ATP5F1A: variants seen among roughly 807,000 people sequenced by gnomAD.
ATP5F1A encodes the protein ATP synthase F1 subunit alpha.
A neutral mutation model predicts 57.4 loss-of-function variants in ATP5F1A; 24 were observed. The observed-to-expected ratio is 0.42, with a 90% confidence interval of 0.30 to 0.59. The LOEUF is 0.59. Among genes scored for constraint, ATP5F1A ranks in the 20% least tolerant of loss-of-function variants. The probability of loss-of-function intolerance (pLI) is 0.19; values close to 1 mark genes in which losing one functional copy is unlikely to be tolerated. For missense variants in ATP5F1A, 494 were observed against 707.9 expected, an observed-to-expected ratio of 0.70 and a Z score of 3.43; for synonymous variants, 251 against 255.5, an observed-to-expected ratio of 0.98 and a Z score of 0.17.
In ATP5F1A at chr18:46,083,851, T is replaced by A. The variant is rs140033102; in HGVS notation, c.*431A>T. On this transcript the variant is annotated 3_prime_UTR_variant, in exon 12 of 12. Transcript: ENST00000398752. ...ATACTAAAAAACTAGCCAGGCGTGG[T>A]GGTGGGCACCTGTAATCCCAGCTAC... The A allele has an allele frequency of 6.5e-6, 1 of 153,662 alleles. No individual in the cohort carries two copies. The highest frequency in any genetic ancestry group is 1.4e-5 in the Non-Finnish European group (1 of 69,214). 9.5% of individuals were successfully genotyped at this position (153,662 alleles called of 1,614,324 possible).
intron 5 of ATP5F1A, among the ~76,000 whole-genome samples, chr18:46,088,982 C>T (rs182707682): frequency 6.6e-6 from 1 of 152,108 alleles, no homozygotes; most frequent in East Asian, 1.9e-4. Context: ...CCTACATGCA[C>T]ATCAAGGCAC....
chr18:46,098,362 A>AGGGGGGGGGGGGCCCCC, upstream of ATP5F1A: 1 of 1,281,404 alleles, frequency 7.8e-7, no homozygotes, highest in Non-Finnish European at 1.0e-6. Flanking sequence ...CCTCGCGTTC[A>AGGGGGGGGGGGGCCCCC]CCACCTCTCC....
rs2144174478 is a variant in ATP5F1A, at chr18:46,086,096, A to T, written c.1429+17T>A. On this transcript the variant is annotated intron_variant, in intron 10 of 11. Coordinates refer to ENST00000398752, the MANE Select transcript of ATP5F1A (RefSeq NM_004046.6). ...ACACAATAGGAACCTGACCAAATGAAGAAAAGAACAACTTACAATACTGTC... is the reference window on the plus strand; with the variant it reads ...ACACAATAGGAACCTGACCAAATGATGAAAAGAACAACTTACAATACTGTC... 1 of 1,610,200 alleles carries T rather than the reference A, an allele frequency of 6.2e-7. No homozygotes were observed. Among genetic ancestry groups the T allele is most frequent in the Non-Finnish European group, 8.5e-7 (1 of 1,178,916 alleles).
chr18:46,095,224 T>G, intron 1 of ATP5F1A, 93 bp from the exon 2 acceptor site: 1 of 1,190,012 alleles, frequency 8.4e-7, no homozygotes, highest in African/African-American at 1.6e-5. Flanking sequence ...GTGATCAAAG[T>G]ACTGGTGAAA....
upstream of ATP5F1A, among the ~76,000 whole-genome samples, chr18:46,100,197 GC>G (rs1911228527): frequency 7.1e-6 from 1 of 141,350 alleles, no homozygotes; most frequent in South Asian, 2.2e-4. Flanking sequence ...GTTGCAGTGA[GC>G]CCCAGATTGC....
At chr18:46,088,316 G>A in intron 5 of ATP5F1A, 59 bp from the exon 6 acceptor site, 16 of 1,434,368 alleles carry the variant, frequency 1.1e-5, no homozygotes, top group Non-Finnish European at 1.4e-5. Context: ...TCCCTGTGGG[G>A]GAAAGAAAGA....
chr18:46,086,634 G>A, intron 8 of ATP5F1A, 140 bp from the exon 9 acceptor site: 1 of 743,470 alleles, frequency 1.3e-6, no homozygotes, highest in Non-Finnish European at 2.2e-6. Context: ...TTCACGACCT[G>A]ACCTGTATAT....
intron 1 of ATP5F1A, among the ~76,000 whole-genome samples, chr18:46,096,982 C>CAAAAAAAAAAAAAAAAA (rs71160709): frequency 1.3e-5 from 1 of 75,172 alleles, no homozygotes; most frequent in Non-Finnish European, 2.4e-5. Flanking sequence ...GACACCATCT[C>CAAAAAAAAAAAAAAAAA]AAAAAAAAAA....
At chr18:46,099,319 T>A (rs1417474674), upstream of ATP5F1A, 1 of 152,152 alleles carries the variant, frequency 6.6e-6, no homozygotes, top group Non-Finnish European at 1.5e-5. Context: ...GGGCTTTTTT[T>A]TTTTCTCCAC....
intron 1 of ATP5F1A, chr18:46,097,822 G>T: frequency 1.8e-6 from 2 of 1,100,720 alleles, no homozygotes; most frequent in Non-Finnish European, 2.2e-6. Context: ...AGAATCGAAA[G>T]AGAGGAACCT....
chr18:46,098,086 C>T, intron 1 of ATP5F1A, 86 bp downstream of exon 1: 1 of 1,484,528 alleles, frequency 6.7e-7, no homozygotes, highest in Non-Finnish European at 8.9e-7. Context: ...AGCCCCTCGC[C>T]CTCCTGCAGA....
In ATP5F1A at chr18:46,081,695, A is replaced by AC. The variant is rs1909763689; in HGVS notation, c.*2586_*2587insG. On this transcript the variant is annotated 3_prime_UTR_variant, in exon 12 of 12. Coordinates refer to ENST00000398752, the MANE Select transcript of ATP5F1A (RefSeq NM_004046.6). ...AAACAAAAAAAAAAAAAAAAAAAAA[A>AC]AACGAAATGTGCAGAACCTTCTAAC... 1.3e-5 allele frequency: 2 copies of AC among 148,628 alleles called. No individual in the cohort carries two copies. The highest frequency in any genetic ancestry group is 2.5e-5 in the African/African-American group (1 of 40,348). 9.2% of individuals were successfully genotyped at this position (148,628 alleles called of 1,614,324 possible).
At chr18:46,084,800 C>A in intron 10 of ATP5F1A, 146 bp from the exon 11 acceptor site, 2 of 805,646 alleles carry the variant, frequency 2.5e-6, no homozygotes, top group Non-Finnish European at 3.7e-6. Flanking sequence ...ACCTAGAACT[C>A]CACTTAATAA....
At chr18:46,086,919 CA>C (rs1910141762) in intron 8 of ATP5F1A, 88 bp downstream of exon 8, 2 of 1,369,222 alleles carry the variant, frequency 1.5e-6, no homozygotes, top group Non-Finnish European at 9.9e-7. Flanking sequence ...ATGCATTTAG[CA>C]AATCAGTCAA....
At chr18:46,096,338 T>G (rs1022969853) in intron 1 of ATP5F1A, among the ~76,000 whole-genome samples, 1 of 150,756 alleles carries the variant, frequency 6.6e-6, no homozygotes, top group Non-Finnish European at 1.5e-5. Context: ...CCGTCTCTAC[T>G]AGAAATACAA....
At chr18:46,089,784 T>G (rs772257451) in intron 4 of ATP5F1A, 39 bp downstream of exon 4, 1 of 1,610,030 alleles carries the variant, frequency 6.2e-7, no homozygotes, top group Admixed American at 1.7e-5. Context: ...TTGATGTTTG[T>G]TAGAAGCTGC....
chr18:46,098,535 C>G (rs1339974378), upstream of ATP5F1A: 1 of 492,080 alleles, frequency 2.0e-6, no homozygotes, highest in African/African-American at 2.1e-5. Context: ...TTGTGGTTGC[C>G]CCGGGTGACC....
rs1568240735 is a variant in ATP5F1A at position 46,081,692 on chromosome 18, A to AAAAAAAAAAAAAAAAAAAAAC, written c.*2589_*2590insGTTTTTTTTTTTTTTTTTTTT. The AAAAAAAAAAAAAAAAAAAAAC allele has an allele frequency of 2.9e-4, 42 of 144,524 alleles. No individual in the cohort carries two copies. Among genetic ancestry groups the AAAAAAAAAAAAAAAAAAAAAC allele is most frequent in the Non-Finnish European group, 5.5e-4 (36 of 65,322 alleles). 9.0% of individuals were successfully genotyped at this position (144,524 alleles called of 1,614,324 possible). On this transcript the variant is annotated 3_prime_UTR_variant, in exon 12 of 12. Transcript: ENST00000398752. ...AAAAAACAAAAAAAAAAAAAAAAAAAAAAAACGAAATGTGCAGAACCTTCT... is the reference window on the plus strand; with the variant it reads ...AAAAAACAAAAAAAAAAAAAAAAAAAAAAAAAAAAAAAAAAAAAAACAAAAACGAAATGTGCAGAACCTTCT...
At chr18:46,089,536 A>C in intron 5 of ATP5F1A, 30 bp downstream of exon 5, 1 of 1,609,562 alleles carries the variant, frequency 6.2e-7, no homozygotes, top group South Asian at 1.1e-5. Context: ...AATTTTAGTT[A>C]GAACTTTTAA....
Sources: allele counts gnomAD v4.1 joint callset (sites outside exome capture counted in the v4.1 genomes callset), GRCh38; gene constraint gnomAD v4.1.1; transcripts MANE v1.5; gene names NCBI Gene and HGNC (gene_info 2026-07-23, HGNC 2026-07-21).